The following SUV39H2 variants were observed in gnomAD, a reference collection of about 807,000 sequenced individuals.
The protein encoded by SUV39H2 is SUV39H2 histone lysine methyltransferase, also known as histone-lysine N-methyltransferase SUV39H2.
SUV39H2 carries 10 observed loss-of-function variants against 47.5 expected under a neutral mutation model. The observed-to-expected ratio is 0.21, with a 90% CI of 0.13 to 0.36. SUV39H2 has a LOEUF of 0.36. Ranked by LOEUF, SUV39H2 falls within the 10% of genes least tolerant of loss-of-function variation. The probability of loss-of-function intolerance (pLI) is 1.00; values close to 1 mark genes in which losing one functional copy is unlikely to be tolerated. For missense variants in SUV39H2, 266 were observed against 487.4 expected (o/e 0.55, Z 4.28); for synonymous variants, 159 against 166.8 (o/e 0.95, Z 0.36).
intron 3 of SUV39H2, chr10:14,898,210 T>C (rs1351098088): frequency 2.9e-5 from 4 of 137,448 alleles, no homozygotes; most frequent in South Asian, 2.4e-4. Flanking sequence ...TTCTTTTTTT[T>C]TTTTTTTTTT....
intron 2 of SUV39H2, among the ~76,000 whole-genome samples, chr10:14,891,206 C>G (rs796584178): frequency 6.6e-6 from 1 of 152,138 alleles, no homozygotes; most frequent in Non-Finnish European, 1.5e-5. Flanking sequence ...GGGAAAGGCC[C>G]TCCTAATTAG....
chr10:14,879,775 A>G (rs1314916140), intron 1 of SUV39H2: 3 of 152,154 alleles, frequency 2.0e-5, no homozygotes, highest in Non-Finnish European at 4.4e-5. Flanking sequence ...GGAGAATGTC[A>G]GGGGTTACTG....
chr10:14,893,027 CGGA>C (rs1289773744), intron 2 of SUV39H2, among the ~76,000 whole-genome samples: 136 of 123,148 alleles, frequency 1.1e-3, no homozygotes, highest in African/African-American at 4.2e-3. Flanking sequence ...TTTTTTGAGA[CGGA>C]GTCTCGCTGT....
intron 2 of SUV39H2, among the ~76,000 whole-genome samples, chr10:14,892,000 G>A (rs191084671): frequency 5.3e-5 from 8 of 152,270 alleles, no homozygotes; most frequent in African/African-American, 1.7e-4. Context: ...AAAGTCCATC[G>A]CTTTCATCAC....
intron 2 of SUV39H2, among the ~76,000 whole-genome samples, chr10:14,894,391 G>A (rs1213671926): frequency 6.7e-5 from 3 of 44,828 alleles, no homozygotes; most frequent in African/African-American, 5.6e-4. Context: ...TTTTTGAGAC[G>A]GAGTCTCGCT....
At chr10:14,901,366 A>G in intron 5 of SUV39H2, 104 bp downstream of exon 5, 2 of 1,474,922 alleles carry the variant, frequency 1.4e-6, no homozygotes. Context: ...AATACTAAAG[A>G]TGAAAAGTTG....
At chr10:14,900,901 A>G (rs766357239) in intron 4 of SUV39H2, among the ~76,000 whole-genome samples, 1 of 152,246 alleles carries the variant, frequency 6.6e-6, no homozygotes, top group South Asian at 2.1e-4. Context: ...TTGAAGCTGT[A>G]TAGTGGATAC....
At chr10:14,879,033 C>G (rs970506690) in intron 1 of SUV39H2, 114 bp downstream of exon 1, 1 of 1,317,238 alleles carries the variant, frequency 7.6e-7, no homozygotes, top group African/African-American at 1.6e-5. Context: ...GTTCCCCGCC[C>G]GCCGCGACCC....
chr10:14,883,080 G>T (rs1833089579), intron 2 of SUV39H2, among the ~76,000 whole-genome samples: 2 of 151,952 alleles, frequency 1.3e-5, no homozygotes, highest in South Asian at 4.1e-4. Context: ...TGTTGGCCAG[G>T]CTGGTCTCAA....
intron 5 of SUV39H2, 134 bp from the exon 6 acceptor site, chr10:14,902,272 A>G: frequency 2.1e-6 from 1 of 467,602 alleles, no homozygotes; most frequent in Non-Finnish European, 3.8e-6. Context: ...CTTGGGAGTT[A>G]ACTTACTCTA....
At chr10:14,898,915 C>T in intron 3 of SUV39H2, 1 of 314,998 alleles carries the variant, frequency 3.2e-6, no homozygotes, top group Non-Finnish European at 5.8e-6. Context: ...CATATACTTG[C>T]AGATTTAGTC....
intron 2 of SUV39H2, among the ~76,000 whole-genome samples, chr10:14,886,837 A>G (rs1224059147): frequency 1.3e-5 from 2 of 152,256 alleles, no homozygotes; most frequent in Non-Finnish European, 2.9e-5. Flanking sequence ...AAACATCGTT[A>G]GAAGATCTGT....
At chr10:14,890,083 C>T (rs529350840) in intron 2 of SUV39H2, among the ~76,000 whole-genome samples, 1 of 152,122 alleles carries the variant, frequency 6.6e-6, no homozygotes, top group African/African-American at 2.4e-5. Context: ...TGGCGTGGCA[C>T]AAATTAATGA....
At chr10:14,892,505 A>T (rs1251664580) in intron 2 of SUV39H2, among the ~76,000 whole-genome samples, 1 of 152,292 alleles carries the variant, frequency 6.6e-6, no homozygotes, top group South Asian at 2.1e-4. Context: ...GCTTTTGCCC[A>T]CGTTTTTCAT....
intron 2 of SUV39H2, among the ~76,000 whole-genome samples, chr10:14,893,594 A>G (rs1227576178): frequency 6.6e-6 from 1 of 152,212 alleles, no homozygotes; most frequent in East Asian, 1.9e-4. Context: ...TTTCTGTGTA[A>G]AATCATTTTT....
At chr10:14,894,238 TC>T (rs1335874520) in intron 2 of SUV39H2, among the ~76,000 whole-genome samples, 4 of 150,288 alleles carry the variant, frequency 2.7e-5, no homozygotes, top group Middle Eastern at 3.2e-3. Flanking sequence ...TTTTTTTTTT[TC>T]CTGGAACCGC....
chr10:14,902,219 AAC>A (rs1461420027), intron 5 of SUV39H2, among the ~76,000 whole-genome samples, 185 bp from the exon 6 acceptor site: 1 of 152,236 alleles, frequency 6.6e-6, no homozygotes, highest in African/African-American at 2.4e-5. Context: ...GCTGAATATT[AAC>A]ATTTATTTGT....
chr10:14,894,627 A>G (rs1353320713), intron 2 of SUV39H2, among the ~76,000 whole-genome samples: 1 of 57,800 alleles, frequency 1.7e-5, no homozygotes, highest in Non-Finnish European at 2.9e-5. Flanking sequence ...TCGGCCTCCC[A>G]AAGTGCTGGG....
intron 1 of SUV39H2, 127 bp downstream of exon 1, chr10:14,879,046 A>G: frequency 2.3e-6 from 3 of 1,311,404 alleles, no homozygotes; most frequent in Non-Finnish European, 2.9e-6. Flanking sequence ...CGCGACCCCA[A>G]CTCCGGGACG....
Sources: allele counts gnomAD v4.1 joint callset (sites outside exome capture counted in the v4.1 genomes callset), GRCh38; gene constraint gnomAD v4.1.1; transcripts MANE v1.5; gene names NCBI Gene and HGNC (gene_info 2026-07-23, HGNC 2026-07-21).